Variants in SPOCD1 observed in about 807,000 individuals in gnomAD.
The protein encoded by SPOCD1 is SPOC domain-containing protein 1.
A neutral mutation model predicts 92.2 loss-of-function variants in SPOCD1; 64 were observed. That is an observed-to-expected ratio of 0.69 (90% confidence interval 0.57 to 0.86). The LOEUF (loss-of-function observed/expected upper bound fraction) is 0.86. Ranked by LOEUF, SPOCD1 falls within the 40% of genes least tolerant of loss-of-function variation. SPOCD1 has a pLI of 0.00. For synonymous variants in SPOCD1, 578 were observed against 619.3 expected (o/e 0.93, Z 0.99); for missense variants, 1,360 against 1,543.1 (o/e 0.88, Z 1.99).
At chr1:31,806,332 A>G (rs1210310444) in intron 2 of SPOCD1, among the ~76,000 whole-genome samples, 2 of 152,186 alleles carry the variant, frequency 1.3e-5, no homozygotes, top group Non-Finnish European at 2.9e-5. Context: ...GTATACATGC[A>G]ACATATATAA....
At chr1:31,810,918 C>G (rs903528334) in intron 2 of SPOCD1, among the ~76,000 whole-genome samples, 1 of 151,964 alleles carries the variant, frequency 6.6e-6, no homozygotes, top group Admixed American at 6.6e-5. Flanking sequence ...CAGAGTTGCC[C>G]CACACACACA....
chr1:31,798,684 G>C lies in SPOCD1; in HGVS notation c.1869-83C>G. ...GTCCCAGAGGGAGGCAGCTGGGTGG[G>C]CGGCAGGGTCTGGGCCAACTTGTTC... is the stretch of plus-strand genomic sequence containing the variant. On this transcript the variant is annotated intron_variant, in intron 7 of 15. Coordinates refer to ENST00000360482, the MANE Select transcript of SPOCD1 (RefSeq NM_144569.7). This position sits in a 1 kb window ranked among gnomAD's most constrained non-coding sequence, Gnocchi z 4.1. The C allele has an allele frequency of 6.7e-7, 1 of 1,503,084 alleles. No homozygotes were observed. The highest frequency in any genetic ancestry group is 9.0e-7 in the Non-Finnish European group (1 of 1,114,612). The allele number at this position is 1,503,084 out of a possible 1,614,324, so 93.1% of individuals were successfully genotyped here. A position where few individuals can be genotyped will look rare whatever the true frequency, so the allele number is the denominator to read the frequency against.
intron 12 of SPOCD1, 115 bp from the exon 13 acceptor site, chr1:31,793,543 G>A (rs1386914520): frequency 3.3e-6 from 5 of 1,505,358 alleles, no homozygotes; most frequent in Non-Finnish European, 3.6e-6. Context: ...TGGAACACTG[G>A]CCCAAGCTTG....
chr1:31,807,679 T>C (rs1201521126), intron 2 of SPOCD1, among the ~76,000 whole-genome samples: 1 of 151,804 alleles, frequency 6.6e-6, no homozygotes, highest in African/African-American at 2.4e-5. Context: ...GAAGGTGACA[T>C]TGACAACAAA....
At chr1:31,794,499 TTC>T (rs1553197323) in intron 10 of SPOCD1, 2,473 of 103,452 alleles carry the variant, frequency 0.024, 23 homozygotes, top group South Asian at 0.14. Context: ...TTTTTTTCTT[TTC>T]TTTTTTTTTT....
chr1:31,812,707 C>A (rs751137), intron 2 of SPOCD1, among the ~76,000 whole-genome samples: 101,548 of 152,044 alleles, frequency 0.67, 33,942 homozygotes, highest in South Asian at 0.72. Flanking sequence ...AGTGCTTAGC[C>A]CAATATCCAG....
At chr1:31,806,795 C>T (rs922711483) in intron 2 of SPOCD1, among the ~76,000 whole-genome samples, 16 of 152,024 alleles carry the variant, frequency 1.1e-4, no homozygotes, top group Admixed American at 3.3e-4. Context: ...CCTCATTATC[C>T]GCCCGCCTAG....
intron 12 of SPOCD1, 55 bp downstream of exon 12, chr1:31,793,692 T>C: frequency 6.2e-7 from 1 of 1,611,590 alleles, no homozygotes; most frequent in Non-Finnish European, 8.5e-7. Flanking sequence ...CACCAGGTGG[T>C]GGCCTCCCCC....
chr1:31,794,009 G>C lies in SPOCD1; in HGVS notation c.2384-112C>G, dbSNP rs575869451. The C allele has an allele frequency of 7.3e-6, 11 of 1,503,570 alleles. No individual in the cohort carries two copies. In the Middle Eastern group the frequency reaches 1.2e-3, roughly 158 times the overall value. 93.1% of individuals were successfully genotyped at this position (1,503,570 alleles called of 1,614,324 possible). A position where few individuals can be genotyped will look rare whatever the true frequency, so the allele number is the denominator to read the frequency against. On this transcript the variant is annotated intron_variant, in intron 11 of 15. Transcript: ENST00000360482. Reference sequence around the variant, plus strand: ...TTCTTTTCTAGGTGACCTGGGGCACGGGCACCCCTGCTCTGCCACCCTCTC... The same window carrying C: ...TTCTTTTCTAGGTGACCTGGGGCACCGGCACCCCTGCTCTGCCACCCTCTC...
chr1:31,803,076 G>C (rs1648571751), intron 2 of SPOCD1, among the ~76,000 whole-genome samples: 1 of 151,836 alleles, frequency 6.6e-6, no homozygotes. Context: ...AAGCCTTTTG[G>C]CTGGCCCGTC....
chr1:31,800,051 G>A lies in SPOCD1; in HGVS notation c.1693C>T (p.Leu565Phe), dbSNP rs762620821. ...FYPPRSGSLA[L>F]GDPSSDPACS... ...GCAGGGTCCGAGCTGGGGTCGCCAA[G>A]GGCCAGGGAACCGCTTCTTGGAGGG... is the stretch of plus-strand genomic sequence containing the variant. Residue 565 changes from leucine to phenylalanine, a missense_variant, in exon 5 of 16, where the codon CTT (leucine) becomes TTT (phenylalanine). Coordinates refer to ENST00000360482, the MANE Select transcript of SPOCD1 (RefSeq NM_144569.7). 1 of 1,610,676 alleles carries A rather than the reference G, an allele frequency of 6.2e-7. No homozygotes were observed. The highest frequency in any genetic ancestry group is 1.7e-5 in the Admixed American group (1 of 58,810).
Position 31,814,464 on chromosome 1 carries a change from A to G in SPOCD1, c.870T>C (p.Ala290=), listed in dbSNP as rs766510425. The G allele has an allele frequency of 1.1e-4, 176 of 1,583,934 alleles. No homozygotes were observed. Among genetic ancestry groups the G allele is most frequent in the Non-Finnish European group, 1.5e-4 (173 of 1,163,502 alleles). The change falls in exon 2 of 16, where the codon GCT becomes GCC. Residue 290 remains alanine (A), a synonymous_variant. Coordinates refer to ENST00000360482, the MANE Select transcript of SPOCD1 (RefSeq NM_144569.7). This position sits in a 1 kb window ranked among gnomAD's most constrained non-coding sequence, Gnocchi z 4.2. ...SGTEKFGYLP[A]TGDGPQPGSP... is the part of the protein sequence containing the mutation. The stretch of plus-strand genomic sequence containing the variant: ...TGCCTGGCTGGGGCCCATCCCCTGT[A>G]GCGGGCAAATATCCAAATTTCTCAG...
In SPOCD1 at chr1:31,798,913, A is replaced by G. The variant is rs1352716527; in HGVS notation, c.1869-312T>C. 1.6e-5 allele frequency: 9 copies of G among 564,694 alleles called. No individual in the cohort carries two copies. The highest frequency in any genetic ancestry group is 2.5e-5 in the Non-Finnish European group (8 of 320,238). The allele number at this position is 564,694 out of a possible 1,614,324, so 35.0% of individuals were successfully genotyped here. A position where few individuals can be genotyped will look rare whatever the true frequency, so the allele number is the denominator to read the frequency against. Reference sequence around the variant, plus strand: ...CCAGCCTGTGCCCCGTCTCTGGCTCACGGGATGTGTGGAGGGGAGGAAGCC... The same window carrying G: ...CCAGCCTGTGCCCCGTCTCTGGCTCGCGGGATGTGTGGAGGGGAGGAAGCC... On this transcript the variant is annotated intron_variant, in intron 7 of 15. Coordinates refer to ENST00000360482, the MANE Select transcript of SPOCD1 (RefSeq NM_144569.7). The surrounding 1 kb of genome is among the most constrained non-coding windows in gnomAD (Gnocchi z 4.1).
At chr1:31,795,949 AG>A (rs1009003021) in intron 10 of SPOCD1, 14 of 156,692 alleles carry the variant, frequency 8.9e-5, no homozygotes, top group African/African-American at 3.4e-4. Flanking sequence ...AATCAACTGC[AG>A]GAGTCTGAGA....
In SPOCD1 at chr1:31,790,579, C is replaced by G; in HGVS notation, c.*24G>C. 6.5e-7 allele frequency: 1 copy of G among 1,547,154 alleles called. No individual in the cohort carries two copies. The highest frequency in any genetic ancestry group is 8.7e-7 in the Non-Finnish European group (1 of 1,143,662). On this transcript the variant is annotated 3_prime_UTR_variant, in exon 16 of 16. Transcript: ENST00000360482. ...TCAACACTAGTGAGGGCATCAAAAC[C>G]CCTGTTCTGGTGGGTAAGGAGGGTC...
chr1:31,801,720 G>A lies in SPOCD1; in HGVS notation c.1384-15C>T. 3 of 1,612,476 alleles carry A rather than the reference G, an allele frequency of 1.9e-6. No homozygotes were observed. The highest frequency in any genetic ancestry group is 1.7e-6 in the Non-Finnish European group (2 of 1,178,600). ...TTCACTTCCTCCTTGGAGAGAAAGA[G>A]GATGCAGAGATTAGAATCCAGAGGA... On this transcript the variant is annotated splice_polypyrimidine_tract_variant and intron_variant, in intron 2 of 15. Coordinates refer to ENST00000360482, the MANE Select transcript of SPOCD1 (RefSeq NM_144569.7).
chr1:31,802,169 A>G (rs554618089), intron 2 of SPOCD1, among the ~76,000 whole-genome samples: 2 of 152,292 alleles, frequency 1.3e-5, no homozygotes, highest in East Asian at 3.9e-4. Flanking sequence ...CTCCATCTCA[A>G]AAAAAAGGCC....
chr1:31,815,129 T>C lies in SPOCD1; in HGVS notation c.205A>G (p.Ser69Gly), dbSNP rs772671815. The stretch of plus-strand genomic sequence containing the variant: ...TCAGCAGCACCTGCAGCCCGGGAGC[T>C]GCCACCTCGAAGGGCCTCCTTCCTG... ...IPRKEALRGGSSRAAGAAEVR... is the reference protein window; with the variant it reads ...IPRKEALRGGGSRAAGAAEVR... The change falls in exon 2 of 16, where the codon AGC becomes GGC. Residue 69 changes from serine (S) to glycine (G), a missense_variant. By Grantham distance (56) the Ser-to-Gly change is moderately conservative. Around this residue, in one of 3 missense-constraint regions of SPOCD1, gnomAD observed 140 missense variants for 183.8 expected, o/e 0.76. Coordinates refer to ENST00000360482, the MANE Select transcript of SPOCD1 (RefSeq NM_144569.7). 1.9e-6 allele frequency: 3 copies of C among 1,608,736 alleles called. No homozygotes were observed. The South Asian group carries it at 3.3e-5, about 18-fold the overall frequency.
chr1:31,807,808 A>G (rs746924406), intron 2 of SPOCD1, among the ~76,000 whole-genome samples: 19 of 152,152 alleles, frequency 1.2e-4, no homozygotes, highest in South Asian at 2.1e-4. Flanking sequence ...TGGAATGTAT[A>G]ATTACAAGTG....
Sources: allele counts gnomAD v4.1 joint callset (sites outside exome capture counted in the v4.1 genomes callset), GRCh38; gene constraint gnomAD v4.1.1; regional missense constraint gnomAD v4.1.1; non-coding constraint Gnocchi (gnomAD v3.1); transcripts MANE v1.5; gene names NCBI Gene and HGNC (gene_info 2026-07-23, HGNC 2026-07-21).